FGF13: variants seen among roughly 807,000 people sequenced by gnomAD.
FGF13 encodes the protein fibroblast growth factor 13.
Under a neutral mutation model 19.5 loss-of-function variants are expected in FGF13, and 2 were observed. The ratio of observed to expected loss-of-function variants is 0.10; its 90% CI spans 0.04 to 0.32. The LOEUF is 0.32. FGF13 is among the 10% of genes least tolerant of loss of function. The pLI, the probability that FGF13 is intolerant of heterozygous loss-of-function variation, is 1.00. For missense variants in FGF13, 113 were observed against 192.7 expected (o/e 0.59, Z 2.45); for synonymous variants, 72 against 76.9 (o/e 0.94, Z 0.33).
exon 3 of FGF13, chrX:138,857,604 T>C (rs1427511038): frequency 8.3e-7 from 1 of 1,209,065 alleles, no homozygotes. Flanking sequence ...CTCTTTTTTC[T>C]TTAATTCCGC....
chrX:139,138,545 A>C (rs984345967), intron 1 of FGF13, among the ~76,000 whole-genome samples: 19 of 111,397 alleles, frequency 1.7e-4, no homozygotes, highest in African/African-American at 6.2e-4. Flanking sequence ...CAGAGACCCA[A>C]GTACACAGAG....
intron 1 of FGF13, among the ~76,000 whole-genome samples, chrX:139,028,132 A>G (rs770679108): frequency 9.6e-4 from 107 of 111,630 alleles, no homozygotes; most frequent in African/African-American, 3.4e-3. Flanking sequence ...CATGCAGGGA[A>G]AGCTGAGACT....
rs541244445 is a variant in FGF13, at chrX:138,704,362, T to C, written c.299-1275A>G. 1.2e-3 allele frequency among the ~76,000 whole-genome samples: 134 copies of C among 112,057 alleles called. 1 individual carries two copies. In the South Asian group the frequency reaches 0.049, roughly 41 times the overall value. On this transcript the variant is annotated intron_variant, in intron 2 of 4. Coordinates refer to ENST00000315930, the MANE Select transcript of FGF13 (RefSeq NM_004114.5). ...GAATAAAAATAAAACAGTACATTTT[T>C]AAAACGTAGTGCTTGCCACACACAT...
intron 1 of FGF13, among the ~76,000 whole-genome samples, chrX:138,966,275 G>A (rs1009226671): frequency 1.3e-4 from 15 of 112,065 alleles, no homozygotes; most frequent in African/African-American, 4.9e-4. Flanking sequence ...CAGACAGCTT[G>A]TACTGTGCAC....
At chrX:139,187,848 A>T (rs1318611610) in intron 1 of FGF13, among the ~76,000 whole-genome samples, 1 of 112,156 alleles carries the variant, frequency 8.9e-6, no homozygotes, top group Non-Finnish European at 1.9e-5. Flanking sequence ...AATTCAGGAT[A>T]TGCCAGGACT....
At position 138,906,520 on chromosome X, in the gene FGF13, CA is replaced by C. The variant is rs1398849452; in HGVS notation, c.-112-41871del. On this transcript the variant is annotated intron_variant, in intron 1 of 2. Coordinates refer to the FGF13 transcript ENST00000421460. ...GAGCCCTACATTCCAGTGGCTGAGA[CA>C]GAAAATAGAAAAATTAATAAACAGA... Among the ~76,000 whole-genome samples, 20 of 111,495 alleles carry C rather than the reference CA, an allele frequency of 1.8e-4. No homozygotes were observed. The Admixed American group carries it at 1.9e-3, about 11-fold the overall frequency.
intron 3 of FGF13, among the ~76,000 whole-genome samples, chrX:138,702,178 C>CAAAT (rs946749897): frequency 5.5e-5 from 6 of 109,176 alleles, no homozygotes; most frequent in South Asian, 4.0e-4. Flanking sequence ...GATTCTATCT[C>CAAAT]AAATAAATAA....
intron 3 of FGF13, among the ~76,000 whole-genome samples, chrX:138,847,911 G>A (rs1198024643): frequency 9.0e-6 from 1 of 111,575 alleles, no homozygotes; most frequent in African/African-American, 3.3e-5. Flanking sequence ...GTCAAGCTTT[G>A]CAATCTTACT....
chrX:139,010,183 A>G (rs1165869564), intron 1 of FGF13, among the ~76,000 whole-genome samples: 1 of 111,904 alleles, frequency 8.9e-6, no homozygotes, highest in African/African-American at 3.3e-5. Flanking sequence ...AAAATGAGAT[A>G]GATGGCAACA....
At chrX:138,881,151 A>C (rs1445766500) in intron 1 of FGF13, among the ~76,000 whole-genome samples, 1 of 111,589 alleles carries the variant, frequency 9.0e-6, no homozygotes, top group Non-Finnish European at 1.9e-5. Flanking sequence ...TCCTTTGTTA[A>C]ATTTATTCCT....
intron 1 of FGF13, among the ~76,000 whole-genome samples, chrX:139,074,594 T>G (rs894343182): frequency 1.8e-5 from 2 of 112,125 alleles, no homozygotes; most frequent in Non-Finnish European, 3.8e-5. Context: ...TGGTGTCTAC[T>G]TTAATCCATT....
intron 1 of FGF13, among the ~76,000 whole-genome samples, chrX:138,876,240 A>G (rs1239325444): frequency 8.9e-6 from 1 of 112,640 alleles, no homozygotes; most frequent in African/African-American, 3.2e-5. Context: ...ACACCCTAGA[A>G]TGATGCCCAA....
At chrX:138,757,168 T>C (rs917801327) in intron 3 of FGF13, among the ~76,000 whole-genome samples, 1 of 110,646 alleles carries the variant, frequency 9.0e-6, no homozygotes, top group Non-Finnish European at 1.9e-5. Flanking sequence ...GGAACATACC[T>C]AGCATCCTGG....
chrX:138,748,793 ATATTG>A (rs2090375418), intron 3 of FGF13, among the ~76,000 whole-genome samples: 1 of 112,001 alleles, frequency 8.9e-6, no homozygotes, highest in South Asian at 3.8e-4. Flanking sequence ...ATAGTTAACA[ATATTG>A]TATTGTATAC....
chrX:138,644,360 C>T (rs2089283886), intron 3 of FGF13, among the ~76,000 whole-genome samples: 1 of 111,010 alleles, frequency 9.0e-6, no homozygotes, highest in African/African-American at 3.3e-5. Context: ...TCCCTGCAAC[C>T]TCCACCTCCC....
intron 1 of FGF13, among the ~76,000 whole-genome samples, chrX:138,896,484 C>T (rs967396237): frequency 1.1e-4 from 12 of 111,487 alleles, no homozygotes; most frequent in African/African-American, 3.3e-4. Flanking sequence ...CACATGGCCG[C>T]CAAATTAATC....
intron 3 of FGF13, among the ~76,000 whole-genome samples, chrX:138,696,831 T>A (rs1171240424): frequency 8.9e-6 from 1 of 112,249 alleles, no homozygotes; most frequent in Non-Finnish European, 1.9e-5. Context: ...CTTTTCCCTA[T>A]TCATCAGCAA....
At chrX:139,038,308 G>T (rs1183833061) in intron 1 of FGF13, among the ~76,000 whole-genome samples, 1 of 110,782 alleles carries the variant, frequency 9.0e-6, no homozygotes, top group Non-Finnish European at 1.9e-5. Flanking sequence ...CCACAGCGTT[G>T]TATATATCCC....
intron 1 of FGF13, among the ~76,000 whole-genome samples, chrX:138,933,540 T>C (rs2091715876): frequency 8.9e-6 from 1 of 111,955 alleles, no homozygotes; most frequent in African/African-American, 3.2e-5. Context: ...AGGGCAAAGC[T>C]AATCTCTAAG....
Sources: allele counts gnomAD v4.1 joint callset (sites outside exome capture counted in the v4.1 genomes callset), GRCh38; gene constraint gnomAD v4.1.1; transcripts MANE v1.5; gene names NCBI Gene and HGNC (gene_info 2026-07-23, HGNC 2026-07-21).